FAM210A: variants seen among roughly 807,000 people sequenced by gnomAD.
FAM210A encodes the protein mitochondrial inner membrane scaffold 1, also known as family with sequence similarity 210 member A.
Under a neutral mutation model 25.3 loss-of-function variants are expected in FAM210A, and 13 were observed. That is an observed-to-expected ratio of 0.51 (90% confidence interval 0.33 to 0.82). The LOEUF is 0.82. Among genes scored for constraint, FAM210A ranks in the 40% least tolerant of loss-of-function variants. The pLI, the probability that FAM210A is intolerant of heterozygous loss-of-function variation, is 0.02. For missense variants in FAM210A, 319 were observed against 323.2 expected (o/e 0.99, Z 0.10); for synonymous variants, 125 against 118.7 (o/e 1.05, Z -0.35).
chr18:13,689,405 G>A (rs948156421), intron 1 of FAM210A, among the ~76,000 whole-genome samples: 5 of 152,136 alleles, frequency 3.3e-5, no homozygotes, highest in African/African-American at 1.2e-4. Flanking sequence ...TGAATTGGTG[G>A]GGCAGCAAAA....
chr18:13,686,623 T>C (rs1055827773), intron 1 of FAM210A, among the ~76,000 whole-genome samples: 1 of 152,212 alleles, frequency 6.6e-6, no homozygotes, highest in Non-Finnish European at 1.5e-5. Context: ...ATAATTTTGC[T>C]TCAGCTTGTT....
At chr18:13,678,282 T>A (rs917055961) in intron 2 of FAM210A, among the ~76,000 whole-genome samples, 22 of 152,160 alleles carry the variant, frequency 1.4e-4, no homozygotes, top group Non-Finnish European at 2.5e-4. Context: ...CTAGTTCCAA[T>A]ATTTTTTTTT....
At chr18:13,718,913 T>C (rs2043879949) in intron 1 of FAM210A, among the ~76,000 whole-genome samples, 2 of 152,224 alleles carry the variant, frequency 1.3e-5, no homozygotes, top group South Asian at 4.1e-4. Context: ...ATCAAGCATA[T>C]TTCAGAAAAT....
intron 1 of FAM210A, among the ~76,000 whole-genome samples, chr18:13,700,608 C>T (rs2043731784): frequency 1.3e-5 from 2 of 152,244 alleles, no homozygotes; most frequent in African/African-American, 4.8e-5. Context: ...AATCCCCACA[C>T]TTTAGCCCAT....
At chr18:13,717,801 ATGG>A (rs1422711985) in intron 1 of FAM210A, among the ~76,000 whole-genome samples, 1 of 152,200 alleles carries the variant, frequency 6.6e-6, no homozygotes, top group Non-Finnish European at 1.5e-5. Flanking sequence ...GAAAAGACTT[ATGG>A]TATAGTAGAC....
rs140989992 is a variant in FAM210A at position 13,692,415 on chromosome 18, C to G, written c.-28-10310G>C. 7.0e-4 allele frequency among the ~76,000 whole-genome samples: 106 copies of G among 152,344 alleles called. 1 individual carries two copies. Among genetic ancestry groups the G allele is most frequent in the African/African-American group, 2.4e-3 (101 of 41,584 alleles). The stretch of plus-strand genomic sequence containing the variant: ...CCCACCCAATGGACCTAATAGACAT[C>G]TACAGAACTCTCCACCCCAAATCAA... On this transcript the variant is annotated intron_variant, in intron 1 of 3. Transcript: ENST00000651643.
At chr18:13,717,956 G>A (rs1050358547) in intron 1 of FAM210A, among the ~76,000 whole-genome samples, 2 of 152,134 alleles carry the variant, frequency 1.3e-5, no homozygotes, top group Admixed American at 6.5e-5. Context: ...AGTCCCTGAG[G>A]GAAGCCACCA....
In FAM210A at chr18:13,702,196, C is replaced by G. The variant is rs1317891951; in HGVS notation, c.-28-20091G>C. On this transcript the variant is annotated intron_variant, in intron 1 of 3. Transcript: ENST00000651643. ...AAAAGGGTAAGGCTTTCTTACCAGT[C>G]AGACTTCTACCTCTCTCTCCCTGTG... Among the ~76,000 whole-genome samples, 3 of 152,200 alleles carry G rather than the reference C, an allele frequency of 2.0e-5. No individual in the cohort carries two copies. In the East Asian group the frequency reaches 5.8e-4, roughly 29 times the overall value.
rs1289107314 is a variant in FAM210A at position 13,664,468 on chromosome 18, TCTTAAAAAACAGCA to T, written c.*1998_*2011del. 2 of 152,178 alleles carry T rather than the reference TCTTAAAAAACAGCA, an allele frequency of 1.3e-5. No individual in the cohort carries two copies. The highest frequency in any genetic ancestry group is 4.8e-5 in the African/African-American group (2 of 41,444). 9.4% of individuals were successfully genotyped at this position (152,178 alleles called of 1,614,324 possible). ...AAAGAAACAAGGAACATGTTTAATATCTTAAAAAACAGCACTTAAACCTGCAAAAATGTGAATTA... is the reference window on the plus strand; with the variant it reads ...AAAGAAACAAGGAACATGTTTAATATCTTAAACCTGCAAAAATGTGAATTA... On this transcript the variant is annotated 3_prime_UTR_variant, in exon 4 of 4. Transcript: ENST00000651643.
intron 1 of FAM210A, among the ~76,000 whole-genome samples, chr18:13,713,341 T>A (rs2043836008): frequency 6.6e-6 from 1 of 152,210 alleles, no homozygotes; most frequent in Admixed American, 6.5e-5. Flanking sequence ...GCCACTCTCA[T>A]CCTTTATGGC....
At chr18:13,723,950 A>G (rs2043915165) in intron 1 of FAM210A, among the ~76,000 whole-genome samples, 1 of 152,232 alleles carries the variant, frequency 6.6e-6, no homozygotes, top group African/African-American at 2.4e-5. Context: ...ACCTCTCTTC[A>G]CAGAACACTA....
At chr18:13,717,508 G>T (rs947864431) in intron 1 of FAM210A, among the ~76,000 whole-genome samples, 2 of 152,112 alleles carry the variant, frequency 1.3e-5, no homozygotes, top group African/African-American at 2.4e-5. Context: ...AGAATTACTC[G>T]AATTCTAAAG....
chr18:13,674,271 G>A (rs2043472882), intron 2 of FAM210A, among the ~76,000 whole-genome samples: 1 of 32,372 alleles, frequency 3.1e-5, no homozygotes. Flanking sequence ...CTGAGCCCTA[G>A]CTTCTTGATT....
At chr18:13,693,323 G>A (rs1661389194) in intron 1 of FAM210A, among the ~76,000 whole-genome samples, 1 of 152,148 alleles carries the variant, frequency 6.6e-6, no homozygotes, top group Non-Finnish European at 1.5e-5. Context: ...GTACAAAGAG[G>A]AGCTGGTACC....
At chr18:13,685,602 C>T (rs2043590226) in intron 1 of FAM210A, among the ~76,000 whole-genome samples, 1 of 152,054 alleles carries the variant, frequency 6.6e-6, no homozygotes, top group African/African-American at 2.4e-5. Context: ...TCTTTTAATC[C>T]AGTTATGACC....
At chr18:13,707,283 T>C (rs768025497) in intron 1 of FAM210A, among the ~76,000 whole-genome samples, 40 of 152,348 alleles carry the variant, frequency 2.6e-4, no homozygotes, top group Non-Finnish European at 5.3e-4. Context: ...GCCATTGTTT[T>C]GGACTGAGCT....
intron 1 of FAM210A, among the ~76,000 whole-genome samples, chr18:13,684,657 GA>G (rs1002482514): frequency 6.6e-6 from 1 of 152,198 alleles, no homozygotes; most frequent in Admixed American, 6.5e-5. Context: ...CCAGCAGGCA[GA>G]ATGTCTGTAA....
intron 2 of FAM210A, among the ~76,000 whole-genome samples, chr18:13,676,830 A>C (rs2043507764): frequency 1.3e-5 from 2 of 152,110 alleles, no homozygotes; most frequent in African/African-American, 4.8e-5. Context: ...CCTCAAGAGG[A>C]GATTCACGTT....
At chr18:13,685,324 G>GT (rs1222445650) in intron 1 of FAM210A, among the ~76,000 whole-genome samples, 1 of 148,886 alleles carries the variant, frequency 6.7e-6, no homozygotes, top group Non-Finnish European at 1.5e-5. Flanking sequence ...GAGAAAAACT[G>GT]TATTTGTAAA....
Sources: allele counts gnomAD v4.1 joint callset (sites outside exome capture counted in the v4.1 genomes callset), GRCh38; gene constraint gnomAD v4.1.1; transcripts MANE v1.5; gene names NCBI Gene and HGNC (gene_info 2026-07-23, HGNC 2026-07-21).